TSC22D1: variants seen among roughly 807,000 people sequenced by gnomAD.
TSC22D1 encodes the protein TSC22 domain family protein 1.
Under a neutral mutation model 74.2 loss-of-function variants are expected in TSC22D1, and 9 were observed. The observed-to-expected ratio is 0.12, with a 90% CI of 0.07 to 0.21. The LOEUF is 0.21. Ranked by LOEUF, TSC22D1 falls within the 10% of genes least tolerant of loss-of-function variation. The pLI, the probability that TSC22D1 is intolerant of heterozygous loss-of-function variation, is 1.00. For synonymous variants in TSC22D1, 586 were observed against 492.5 expected, an observed-to-expected ratio of 1.19 and a Z score of -2.51; for missense variants, 1,427 against 1,304.7, an observed-to-expected ratio of 1.09 and a Z score of -1.44.
chr13:44,450,129 A>G (rs989973586), intron 1 of TSC22D1, among the ~76,000 whole-genome samples: 4 of 150,636 alleles, frequency 2.7e-5, no homozygotes, highest in Non-Finnish European at 4.5e-5. Flanking sequence ...TGAAAAACAA[A>G]TAAGAGTTGT....
At chr13:44,536,900 T>C in intron 1 of TSC22D1, 1 of 538,062 alleles carries the variant, frequency 1.9e-6, no homozygotes, top group Non-Finnish European at 2.2e-6. Flanking sequence ...AAGAATCACC[T>C]TAACAGTTCA....
chr13:44,490,289 A>G (rs1391633335), intron 1 of TSC22D1, among the ~76,000 whole-genome samples: 1 of 152,074 alleles, frequency 6.6e-6, no homozygotes, highest in Non-Finnish European at 1.5e-5. Flanking sequence ...TGATAGTGTT[A>G]GAGGTCTGTA....
At chr13:44,516,586 T>TG (rs369729473) in intron 1 of TSC22D1, among the ~76,000 whole-genome samples, 32 of 152,008 alleles carry the variant, frequency 2.1e-4, no homozygotes, top group African/African-American at 6.0e-4. Context: ...ATTCTTTTTA[T>TG]GGGGGGAAAA....
chr13:44,511,728 G>T (rs904548506), intron 1 of TSC22D1, among the ~76,000 whole-genome samples: 3 of 151,928 alleles, frequency 2.0e-5, no homozygotes, highest in African/African-American at 7.3e-5. Flanking sequence ...TAGAATTTAT[G>T]ATTTTTTTTA....
chr13:44,524,548 TTTTG>T (rs949025753), intron 1 of TSC22D1, among the ~76,000 whole-genome samples: 85 of 152,262 alleles, frequency 5.6e-4, no homozygotes, highest in African/African-American at 1.6e-3. Flanking sequence ...CCATGATTTT[TTTTG>T]TTTGTTTGTT....
chr13:44,569,299 C>T (rs1883589043), intron 1 of TSC22D1, among the ~76,000 whole-genome samples: 1 of 151,968 alleles, frequency 6.6e-6, no homozygotes, highest in Non-Finnish European at 1.5e-5. Context: ...GTCCATGCTC[C>T]TAACGAGCAG....
chr13:44,549,150 T>C (rs1233283237), intron 1 of TSC22D1, among the ~76,000 whole-genome samples: 2 of 152,196 alleles, frequency 1.3e-5, no homozygotes, highest in Non-Finnish European at 2.9e-5. Context: ...AATATATCTA[T>C]TCAAGTTCCT....
chr13:44,564,485 G>C (rs1301284550), intron 1 of TSC22D1, among the ~76,000 whole-genome samples: 1 of 152,186 alleles, frequency 6.6e-6, no homozygotes, highest in Non-Finnish European at 1.5e-5. Context: ...GAATGAAAGT[G>C]AGATGGCATA....
chr13:44,444,509 T>C (rs760080435), intron 1 of TSC22D1, among the ~76,000 whole-genome samples: 8 of 151,532 alleles, frequency 5.3e-5, no homozygotes, highest in Non-Finnish European at 5.9e-5. Flanking sequence ...ATGTTAACAA[T>C]AAAAGAAAGC....
At chr13:44,511,107 C>G (rs968795726) in intron 1 of TSC22D1, among the ~76,000 whole-genome samples, 3 of 151,960 alleles carry the variant, frequency 2.0e-5, no homozygotes, top group African/African-American at 7.3e-5. Context: ...ACGGCAAAAC[C>G]CTATCTCTAC....
At chr13:44,551,726 C>A (rs1882292300) in intron 1 of TSC22D1, among the ~76,000 whole-genome samples, 1 of 151,976 alleles carries the variant, frequency 6.6e-6, no homozygotes, top group African/African-American at 2.4e-5. Flanking sequence ...CGGCCGCCAT[C>A]AGCTGGTATT....
chr13:44,473,699 T>C (rs576407699), intron 1 of TSC22D1, among the ~76,000 whole-genome samples: 1 of 152,166 alleles, frequency 6.6e-6, no homozygotes, highest in African/African-American at 2.4e-5. Flanking sequence ...TTCACAAAAA[T>C]CCACATTTCA....
intron 1 of TSC22D1, among the ~76,000 whole-genome samples, chr13:44,551,391 T>TGGGTGTGTGG (rs775177585): frequency 0.034 from 1,755 of 51,468 alleles, 25 homozygotes; most frequent in Non-Finnish European, 0.045. Flanking sequence ...ATCAGATGGG[T>TGGGTGTGTGG]GTGTGTGTGT....
chr13:44,528,707 A>G (rs1394239467), intron 1 of TSC22D1, among the ~76,000 whole-genome samples: 1 of 152,080 alleles, frequency 6.6e-6, no homozygotes, highest in East Asian at 1.9e-4. Flanking sequence ...AAAATCAACA[A>G]AACCAAAATC....
intron 1 of TSC22D1, among the ~76,000 whole-genome samples, chr13:44,542,897 T>C (rs1318102838): frequency 6.6e-6 from 1 of 152,126 alleles, no homozygotes; most frequent in African/African-American, 2.4e-5. Flanking sequence ...AATTCTATTT[T>C]AGTGGACAAC....
chr13:44,560,098 G>A (rs775045023), intron 1 of TSC22D1, among the ~76,000 whole-genome samples: 8 of 152,106 alleles, frequency 5.3e-5, no homozygotes, highest in Non-Finnish European at 1.2e-4. Flanking sequence ...CATATACAAT[G>A]AGAAAAGTCA....
chr13:44,560,580 A>G (rs983137101), intron 1 of TSC22D1, among the ~76,000 whole-genome samples: 4 of 152,218 alleles, frequency 2.6e-5, no homozygotes, highest in African/African-American at 9.6e-5. Flanking sequence ...AATGTCTTAG[A>G]GAATAACCTT....
At chr13:44,480,088 A>G (rs1878108143) in intron 1 of TSC22D1, among the ~76,000 whole-genome samples, 1 of 149,268 alleles carries the variant, frequency 6.7e-6, no homozygotes, top group South Asian at 2.1e-4. Context: ...AACAAGACTG[A>G]TAAGTTTGGA....
chr13:44,567,399 C>T (rs1015864129), intron 1 of TSC22D1, among the ~76,000 whole-genome samples: 50 of 151,984 alleles, frequency 3.3e-4, no homozygotes, highest in African/African-American at 1.1e-3. Flanking sequence ...CTTACTCTTA[C>T]ACATGACTAC....
Sources: gnomAD v4.1 joint callset for allele counts (sites outside exome capture counted in the v4.1 genomes callset) on GRCh38, gnomAD v4.1.1 for gene constraint, MANE v1.5 for transcripts, NCBI Gene and HGNC (gene_info 2026-07-23, HGNC 2026-07-21) for gene names.